FRMPD4: variants seen among roughly 807,000 people sequenced by gnomAD.
FRMPD4 encodes FERM and PDZ domain-containing protein 4.
FRMPD4 carries 22 observed loss-of-function variants against 94.1 expected under a neutral mutation model. The observed-to-expected ratio is 0.23, with a 90% CI of 0.17 to 0.33. The LOEUF (loss-of-function observed/expected upper bound fraction) is 0.33. Among genes scored for constraint, FRMPD4 ranks in the 10% least tolerant of loss-of-function variants. The probability of loss-of-function intolerance (pLI) is 1.00; values close to 1 mark genes in which losing one functional copy is unlikely to be tolerated. For synonymous variants in FRMPD4, 631 were observed against 548.6 expected (o/e 1.15, Z -2.10); for missense variants, 1,111 against 1,339.9 (o/e 0.83, Z 2.67).
At chrX:12,542,487 G>T (rs762297746) in intron 2 of FRMPD4, among the ~76,000 whole-genome samples, 1 of 112,011 alleles carries the variant, frequency 8.9e-6, no homozygotes, top group South Asian at 3.7e-4. Flanking sequence ...ATTCACAATT[G>T]CTTCAAAGAG....
At chrX:12,506,848 C>T (rs965519189) in intron 2 of FRMPD4, among the ~76,000 whole-genome samples, 2 of 112,377 alleles carry the variant, frequency 1.8e-5, no homozygotes, top group Admixed American at 1.9e-4. Flanking sequence ...ATCCTACTAA[C>T]ACTCCCTCCC....
chrX:12,001,157 G>T, intron 3 of FRMPD4, among the ~76,000 whole-genome samples: 1 of 111,925 alleles, frequency 8.9e-6, no homozygotes, highest in South Asian at 3.7e-4. Context: ...AAGAGTTTCA[G>T]ATGGAAGCTG....
chrX:12,582,308 A>T (rs2058874403), intron 2 of FRMPD4, among the ~76,000 whole-genome samples: 2 of 112,071 alleles, frequency 1.8e-5, no homozygotes, highest in Admixed American at 1.9e-4. Flanking sequence ...CCTGATGAAA[A>T]TAGTCTTCCA....
At chrX:12,391,825 CTTTAGGCTTGGTGA>C (rs1467412347) in intron 1 of FRMPD4, among the ~76,000 whole-genome samples, 1 of 110,670 alleles carries the variant, frequency 9.0e-6, no homozygotes, top group Non-Finnish European at 1.9e-5. Flanking sequence ...GGAGTATTAA[CTTTAGGCTTGGTGA>C]GTCCTGACCA....
chrX:12,094,166 C>G (rs750872375), intron 3 of FRMPD4, among the ~76,000 whole-genome samples: 2 of 111,692 alleles, frequency 1.8e-5, no homozygotes, highest in Admixed American at 9.5e-5. Flanking sequence ...TCTCAAAGAC[C>G]AGGAGGGTGA....
At chrX:12,489,960 C>A (rs747931921) in intron 1 of FRMPD4, among the ~76,000 whole-genome samples, 110 of 111,433 alleles carry the variant, frequency 9.9e-4, no homozygotes, top group African/African-American at 3.5e-3. Flanking sequence ...AAAGCAAGCA[C>A]CCTATCTGCT....
chrX:12,110,070 T>G (rs2046645123), intron 3 of FRMPD4, among the ~76,000 whole-genome samples: 1 of 112,364 alleles, frequency 8.9e-6, no homozygotes, highest in African/African-American at 3.2e-5. Flanking sequence ...ACTCATTTTA[T>G]GAGGCCAGGA....
chrX:12,046,442 G>T (rs2054785773), intron 3 of FRMPD4, among the ~76,000 whole-genome samples: 1 of 110,382 alleles, frequency 9.1e-6, no homozygotes, highest in East Asian at 2.9e-4. Context: ...TATCTACCTG[G>T]AGGTAGTGTC....
At chrX:12,475,150 G>A (rs1277874885) in intron 1 of FRMPD4, among the ~76,000 whole-genome samples, 2 of 111,944 alleles carry the variant, frequency 1.8e-5, no homozygotes, top group Non-Finnish European at 3.8e-5. Flanking sequence ...ATGCAAGGCT[G>A]GTTCAACATA....
chrX:11,901,755 CTTTT>C (rs1286197909), intron 3 of FRMPD4, among the ~76,000 whole-genome samples: 2 of 108,193 alleles, frequency 1.8e-5, no homozygotes, highest in African/African-American at 6.7e-5. Flanking sequence ...ACAACAGTAT[CTTTT>C]TTTTTTCTTT....
intron 3 of FRMPD4, among the ~76,000 whole-genome samples, chrX:11,889,620 A>G (rs1440826620): frequency 8.9e-6 from 1 of 112,407 alleles, no homozygotes; most frequent in Non-Finnish European, 1.9e-5. Context: ...CCATCCTAAG[A>G]CACAATGGCT....
intron 1 of FRMPD4, among the ~76,000 whole-genome samples, chrX:12,292,706 A>G (rs1469827016): frequency 2.7e-5 from 3 of 111,723 alleles, no homozygotes; most frequent in Non-Finnish European, 3.8e-5. Context: ...CAAACTGGTT[A>G]TGCCAGTTTA....
chrX:12,263,069 C>A (rs1298937725), intron 1 of FRMPD4, among the ~76,000 whole-genome samples: 3 of 111,732 alleles, frequency 2.7e-5, no homozygotes, highest in Non-Finnish European at 5.6e-5. Context: ...AAGCTAACTT[C>A]AAGTCATAAG....
chrX:11,837,630 A>C (rs2053508458), intron 1 of FRMPD4, among the ~76,000 whole-genome samples: 1 of 111,730 alleles, frequency 9.0e-6, no homozygotes, highest in Admixed American at 9.5e-5. Flanking sequence ...CTCGTTCTGC[A>C]TGTCAGACTC....
intron 1 of FRMPD4, among the ~76,000 whole-genome samples, chrX:12,418,954 C>T (rs1044044250): frequency 8.9e-6 from 1 of 111,917 alleles, no homozygotes; most frequent in East Asian, 2.8e-4. Flanking sequence ...TTTTCTAACA[C>T]CCCAGATACC....
At chrX:11,902,783 A>C (rs2053945492) in intron 3 of FRMPD4, among the ~76,000 whole-genome samples, 1 of 111,215 alleles carries the variant, frequency 9.0e-6, no homozygotes, top group Admixed American at 9.6e-5. Context: ...TCTTACCTCC[A>C]TTTCATCCAA....
chrX:12,139,554 G>A (rs1329704923), intron 1 of FRMPD4, among the ~76,000 whole-genome samples: 1 of 102,566 alleles, frequency 9.7e-6, no homozygotes, highest in Non-Finnish European at 2.0e-5. Context: ...TTTTTTTTGG[G>A]GGGGGGGTAA....
At chrX:12,502,785 C>T (rs1053103759) in intron 2 of FRMPD4, among the ~76,000 whole-genome samples, 1 of 111,455 alleles carries the variant, frequency 9.0e-6, no homozygotes, top group Non-Finnish European at 1.9e-5. Flanking sequence ...GATGATAGAG[C>T]TATAGATATG....
chrX:12,532,022 T>C (rs1243996372), intron 2 of FRMPD4, among the ~76,000 whole-genome samples: 1 of 112,108 alleles, frequency 8.9e-6, no homozygotes, highest in Admixed American at 9.5e-5. Flanking sequence ...TCAAGCCCCA[T>C]TTTTTGAGTA....
Sources: allele counts gnomAD v4.1 joint callset (sites outside exome capture counted in the v4.1 genomes callset), GRCh38; gene constraint gnomAD v4.1.1; transcripts MANE v1.5; gene names NCBI Gene and HGNC (gene_info 2026-07-23, HGNC 2026-07-21).